Variants in C1orf87 observed in about 807,000 individuals in gnomAD.
The protein encoded by C1orf87 is uncharacterized protein C1orf87.
C1orf87 carries 58 observed loss-of-function variants against 60.5 expected under a neutral mutation model. The observed-to-expected ratio is 0.96, with a 90% CI of 0.78 to 1.19. The LOEUF (loss-of-function observed/expected upper bound fraction) is 1.19, where lower values mean the gene tolerates loss of function less well. Among genes scored for constraint, C1orf87 ranks in the 50% most tolerant of loss-of-function variants. The pLI is 0.00. For missense variants in C1orf87, 673 were observed against 638.6 expected (o/e 1.05, Z -0.58); for synonymous variants, 236 against 227.4 (o/e 1.04, Z -0.34).
At chr1:60,012,415 A>T (rs1645092719) in intron 8 of C1orf87, among the ~76,000 whole-genome samples, 1 of 152,154 alleles carries the variant, frequency 6.6e-6, no homozygotes, top group Non-Finnish European at 1.5e-5. Flanking sequence ...TTTTTTAACT[A>T]TATTGCCTGA....
chr1:60,070,342 T>A (rs935809982), intron 2 of C1orf87, among the ~76,000 whole-genome samples: 4 of 152,200 alleles, frequency 2.6e-5, no homozygotes, highest in African/African-American at 9.7e-5. Context: ...CAAATTTTCA[T>A]TTTGGAGAAG....
intron 2 of C1orf87, among the ~76,000 whole-genome samples, chr1:60,067,054 A>G (rs1361096582): frequency 3.3e-5 from 5 of 152,210 alleles, no homozygotes; most frequent in Non-Finnish European, 5.9e-5. Flanking sequence ...TATATGTGCC[A>G]CATTTTCTTT....
chr1:60,048,513 A>T (rs919002298), intron 3 of C1orf87, among the ~76,000 whole-genome samples: 5 of 152,344 alleles, frequency 3.3e-5, no homozygotes, highest in Admixed American at 6.5e-5. Context: ...GTATACCAAA[A>T]GATAAGAAAA....
intron 1 of C1orf87, among the ~76,000 whole-genome samples, chr1:60,072,919 T>A (rs1276195094): frequency 6.6e-6 from 1 of 152,224 alleles, no homozygotes; most frequent in Non-Finnish European, 1.5e-5. Context: ...CACCAGTAAT[T>A]AGCCGACTTG....
chr1:60,043,566 T>C (rs1488012385), intron 3 of C1orf87, among the ~76,000 whole-genome samples: 2 of 152,088 alleles, frequency 1.3e-5, no homozygotes. Context: ...TTTGTATTTT[T>C]AGTAGAGATG....
chr1:60,041,051 C>T lies in C1orf87; in HGVS notation c.423G>A (p.Arg141=), dbSNP rs548051807. Residue 141 remains arginine, a synonymous_variant, in exon 4 of 12, where the codon AGG becomes AGA. Coordinates refer to ENST00000371201, the MANE Select transcript of C1orf87 (RefSeq NM_152377.3). ...CCAAGGACCAGTCTCTAAGCTTTCT[C>T]CTGGGAATGCCATGCACATAGGATA... is the stretch of plus-strand genomic sequence containing the variant. ...QSLSYVHGIP[R]RKLRDWSLEQ... 6.2e-7 allele frequency: 1 copy of T among 1,613,532 alleles called. No homozygotes were observed. Among genetic ancestry groups the T allele is most frequent in the Non-Finnish European group, 8.5e-7 (1 of 1,179,596 alleles).
chr1:60,022,225 T>A (rs977622764), intron 8 of C1orf87, among the ~76,000 whole-genome samples: 2 of 149,196 alleles, frequency 1.3e-5, no homozygotes, highest in African/African-American at 5.0e-5. Context: ...GCTGTGGGAG[T>A]GAGGATAAAC....
At chr1:60,015,966 G>A (rs1645121647) in intron 8 of C1orf87, among the ~76,000 whole-genome samples, 1 of 152,150 alleles carries the variant, frequency 6.6e-6, no homozygotes, top group Non-Finnish European at 1.5e-5. Context: ...GGCCAGGCTG[G>A]TGTTGAACTC....
intron 2 of C1orf87, among the ~76,000 whole-genome samples, chr1:60,062,075 C>T (rs571769121): frequency 1.3e-5 from 2 of 152,316 alleles, no homozygotes; most frequent in African/African-American, 2.4e-5. Context: ...CCAAAGGTCA[C>T]TGCTTTTCTC....
At chr1:60,054,592 G>A (rs1645439489) in intron 3 of C1orf87, among the ~76,000 whole-genome samples, 1 of 152,146 alleles carries the variant, frequency 6.6e-6, no homozygotes, top group African/African-American at 2.4e-5. Context: ...TTTGGAAATG[G>A]TACTTTGTTA....
At chr1:60,027,304 C>G (rs1645205270) in intron 7 of C1orf87, among the ~76,000 whole-genome samples, 1 of 152,212 alleles carries the variant, frequency 6.6e-6, no homozygotes, top group African/African-American at 2.4e-5. Context: ...TCTAACCACC[C>G]TGGGGCCAAG....
Position 60,053,755 on chromosome 1 carries a change from C to T in C1orf87, c.342+1449G>A, listed in dbSNP as rs61803810. 7.9e-4 allele frequency among the ~76,000 whole-genome samples: 120 copies of T among 151,760 alleles called. 1 individual carries two copies. The highest frequency in any genetic ancestry group is 1.7e-3 in the South Asian group (8 of 4,796). ...TCCTGTTTTTCAAAAATTGCTACAT[C>T]GTTATGCTATTTTTATAATTAGAAA... On this transcript the variant is annotated intron_variant, in intron 3 of 11. Coordinates refer to ENST00000371201, the MANE Select transcript of C1orf87 (RefSeq NM_152377.3).
chr1:60,002,220 T>C (rs1645011117), intron 9 of C1orf87, among the ~76,000 whole-genome samples: 1 of 152,126 alleles, frequency 6.6e-6, no homozygotes, highest in South Asian at 2.1e-4. Flanking sequence ...GTTGAGAGTA[T>C]AATCTCTGGA....
intron 3 of C1orf87, among the ~76,000 whole-genome samples, chr1:60,048,513 A>C (rs919002298): frequency 2.0e-5 from 3 of 152,226 alleles, no homozygotes; most frequent in Non-Finnish European, 4.4e-5. Flanking sequence ...GTATACCAAA[A>C]GATAAGAAAA....
At chr1:60,071,759 G>T (rs1377254942) in intron 2 of C1orf87, among the ~76,000 whole-genome samples, 1 of 152,114 alleles carries the variant, frequency 6.6e-6, no homozygotes, top group Non-Finnish European at 1.5e-5. Context: ...ATTTCTTCTT[G>T]CACCTATGTT....
chr1:60,032,086 G>A (rs1645242222), intron 7 of C1orf87, among the ~76,000 whole-genome samples: 1 of 152,076 alleles, frequency 6.6e-6, no homozygotes, highest in South Asian at 2.1e-4. Context: ...TTTTGTCCTA[G>A]AATAAGAACT....
intron 3 of C1orf87, among the ~76,000 whole-genome samples, chr1:60,042,940 G>C (rs1195435554): frequency 6.6e-6 from 1 of 152,180 alleles, no homozygotes; most frequent in Non-Finnish European, 1.5e-5. Flanking sequence ...TGGACTTGGT[G>C]GTCCGGGTCT....
At chr1:60,047,442 T>A (rs1645380565) in intron 3 of C1orf87, among the ~76,000 whole-genome samples, 1 of 152,184 alleles carries the variant, frequency 6.6e-6, no homozygotes, top group Non-Finnish European at 1.5e-5. Context: ...TTTTGACCAG[T>A]CTTAGGAAGG....
At chr1:60,030,959 C>T (rs1221497952) in intron 7 of C1orf87, among the ~76,000 whole-genome samples, 2 of 152,176 alleles carry the variant, frequency 1.3e-5, no homozygotes, top group Non-Finnish European at 2.9e-5. Context: ...ATTTATCTAT[C>T]TTGGAAGTTA....
Sources: allele counts gnomAD v4.1 joint callset (sites outside exome capture counted in the v4.1 genomes callset), GRCh38; gene constraint gnomAD v4.1.1; transcripts MANE v1.5; gene names NCBI Gene and HGNC (gene_info 2026-07-23, HGNC 2026-07-21).